Variants in BCAR1 observed in about 807,000 individuals in gnomAD.
BCAR1 encodes breast cancer anti-estrogen resistance protein 1.
A neutral mutation model predicts 67.6 loss-of-function variants in BCAR1; 30 were observed. That is an observed-to-expected ratio of 0.44 (90% CI 0.33 to 0.60). BCAR1 has a LOEUF of 0.60. Ranked by LOEUF, BCAR1 falls within the 20% of genes least tolerant of loss-of-function variation. The pLI is 0.02. For synonymous variants in BCAR1, 626 were observed against 556.7 expected (o/e 1.12, Z -1.75); for missense variants, 1,313 against 1,222.3 (o/e 1.07, Z -1.11).
chr16:75,243,598 GTAAT>G, intron 1 of BCAR1: 5 of 437,230 alleles, frequency 1.1e-5, no homozygotes, highest in South Asian at 8.1e-5. Context: ...CAAAAAGTCA[GTAAT>G]TAATTTAGAA....
chr16:75,251,324 G>A, intron 1 of BCAR1, 147 bp downstream of exon 1: 1 of 1,166,534 alleles, frequency 8.6e-7, no homozygotes, highest in Non-Finnish European at 1.1e-6. Context: ...TTCCCGGCCA[G>A]GGCAGAAGGA....
chr16:75,230,019 T>C lies in BCAR1; in HGVS notation c.2105A>G (p.Lys702Arg), dbSNP rs764493965. Reference protein sequence around the residue: ...GKSQLELQQLKQFERLEQEVS... With the variant: ...GKSQLELQQLRQFERLEQEVS... Reference sequence around the variant, plus strand: ...CTCCTGTTCCAGTCGTTCAAACTGCTTCAGCTGGGGCAGGAGGGAAGCAGG... The same window carrying C: ...CTCCTGTTCCAGTCGTTCAAACTGCCTCAGCTGGGGCAGGAGGGAAGCAGG... The change falls in exon 7 of 7, where the codon AAG (lysine) becomes AGG (arginine). Residue 702 changes from lysine to arginine, a missense_variant. Lys to Arg is a conservative substitution (Grantham distance 26, BLOSUM62 2). Coordinates refer to ENST00000162330, the MANE Select transcript of BCAR1 (RefSeq NM_014567.5). 6 of 1,531,544 alleles carry C rather than the reference T, an allele frequency of 3.9e-6. No individual in the cohort carries two copies. In the African/African-American group the frequency reaches 6.9e-5, roughly 18 times the overall value. 94.9% of individuals were successfully genotyped at this position (1,531,544 alleles called of 1,614,324 possible). A position where few individuals can be genotyped will look rare whatever the true frequency, so the allele number is the denominator to read the frequency against.
Position 75,236,002 on chromosome 16 carries a change from T to C in BCAR1, c.913-16A>G. ...CGTCGTAGACCTGGGGGACAAGCGG[T>C]GGTCAAGACTGTCCATCTGTCCATC... On this transcript the variant is annotated splice_polypyrimidine_tract_variant and intron_variant, in intron 4 of 6. Coordinates refer to ENST00000162330, the MANE Select transcript of BCAR1 (RefSeq NM_014567.5). 8 of 1,555,994 alleles carry C rather than the reference T, an allele frequency of 5.1e-6. No individual in the cohort carries two copies. The highest frequency in any genetic ancestry group is 5.2e-6 in the Non-Finnish European group (6 of 1,150,240).
At chr16:75,255,375 G>C (rs1175374811), upstream of BCAR1, among the ~76,000 whole-genome samples, 1 of 152,156 alleles carries the variant, frequency 6.6e-6, no homozygotes, top group African/African-American at 2.4e-5. Flanking sequence ...GGTATCTCTG[G>C]AGGGCCAATG....
rs150215785 is a variant in BCAR1 at position 75,229,797 on chromosome 16, T to C, written c.2327A>G (p.Lys776Arg). The stretch of plus-strand genomic sequence containing the variant: ...GAACTTGCTGTGCGCCACAAAGATC[T>C]TGGGCGGCTGGTTGGTGGCCACGGC... ...FTAVATNQPP[K>R]IFVAHSKFVI... The change falls in exon 7 of 7, where the codon AAG becomes AGG. Residue 776 changes from lysine to arginine, a missense_variant. Lys to Arg is a conservative substitution (Grantham distance 26). Transcript: ENST00000162330. 51 of 1,613,524 alleles carry C rather than the reference T, an allele frequency of 3.2e-5. 2 individuals are homozygous for C. In the African/African-American group the frequency reaches 6.0e-4, roughly 19 times the overall value.
intron 2 of BCAR1, among the ~76,000 whole-genome samples, chr16:75,239,493 G>A (rs2077262638): frequency 6.6e-6 from 1 of 152,202 alleles, no homozygotes; most frequent in Non-Finnish European, 1.5e-5. Context: ...CCCGGTAAGG[G>A]CCCCAGAGGC....
intron 2 of BCAR1, among the ~76,000 whole-genome samples, chr16:75,239,339 A>G (rs771179019): frequency 6.6e-5 from 10 of 152,136 alleles, no homozygotes; most frequent in Admixed American, 1.3e-4. Flanking sequence ...GCCTCATACA[A>G]TGCAGAGAAA....
At chr16:75,254,027 C>G (rs2151467175), upstream of BCAR1, among the ~76,000 whole-genome samples, 1 of 151,768 alleles carries the variant, frequency 6.6e-6, no homozygotes, top group Middle Eastern at 3.4e-3. Context: ...TCTCGAACTC[C>G]TGACCTCAAG....
At chr16:75,244,432 C>G (rs2077454635) in intron 1 of BCAR1, among the ~76,000 whole-genome samples, 3 of 152,240 alleles carry the variant, frequency 2.0e-5, no homozygotes, top group Non-Finnish European at 2.9e-5. Flanking sequence ...TTTCAAGTCC[C>G]TAGGGCCCAC....
At chr16:75,248,109 T>C (rs749574351) in intron 1 of BCAR1, 1 of 1,598,060 alleles carries the variant, frequency 6.3e-7, no homozygotes, top group Non-Finnish European at 8.5e-7. Flanking sequence ...CAGCCCAGGG[T>C]CACTGAGTCC....
rs919436260 is a variant in BCAR1 at position 75,235,394 on chromosome 16, T to C, written c.1505A>G (p.Gln502Arg). 1.6e-5 allele frequency: 26 copies of C among 1,606,956 alleles called. No individual in the cohort carries two copies. Among genetic ancestry groups the C allele is most frequent in the Middle Eastern group, 1.6e-4 (1 of 6,076 alleles). The change falls in exon 5 of 7, where the codon CAG becomes CGG. Residue 502 changes from glutamine to arginine, a missense_variant. By Grantham distance (43) the Gln-to-Arg change is conservative. Coordinates refer to ENST00000162330, the MANE Select transcript of BCAR1 (RefSeq NM_014567.5). The part of the protein sequence containing the change: ...SPSEPQEPLV[Q>R]DLQAAVAAVQ... ...AGCGGCCACAGCAGCCTGCAGGTCC[T>C]GCACCAGCGGCTCCTGTGGCTCAGA...
intron 1 of BCAR1, chr16:75,265,994 G>C (rs1489900028): frequency 9.6e-7 from 1 of 1,043,114 alleles, no homozygotes; most frequent in East Asian, 8.3e-5. Context: ...GGCCGCTCCA[G>C]CCGCGCCGCG....
intron 6 of BCAR1, among the ~76,000 whole-genome samples, chr16:75,231,959 G>A (rs1287524119): frequency 6.6e-5 from 10 of 152,144 alleles, no homozygotes; most frequent in African/African-American, 1.2e-4. Flanking sequence ...TCGGCTCACC[G>A]CAACCTCCGC....
intron 2 of BCAR1, among the ~76,000 whole-genome samples, chr16:75,241,418 C>T (rs1261172494): frequency 6.6e-6 from 1 of 152,090 alleles, no homozygotes; most frequent in Non-Finnish European, 1.5e-5. Context: ...GGACTGTGGC[C>T]TGAGGCTCCC....
chr16:75,261,642 G>C (rs1377579189), intron 1 of BCAR1, among the ~76,000 whole-genome samples: 2 of 152,240 alleles, frequency 1.3e-5, no homozygotes, highest in Non-Finnish European at 2.9e-5. Context: ...TCTCTGGTTG[G>C]AGTGAAGACA....
chr16:75,250,517 G>A lies in BCAR1; in HGVS notation c.12+954C>T, dbSNP rs557750964. Among the ~76,000 whole-genome samples the A allele has an allele frequency of 1.5e-4, 23 of 152,296 alleles. 1 individual carries two copies. Among genetic ancestry groups the A allele is most frequent in the Admixed American group, 1.2e-3 (19 of 15,308 alleles). ...CGGGCCCCGGGAGGGGTGTGGGAAA[G>A]GAAACCAGGGACTCTCAGGAGGGAA... On this transcript the variant is annotated intron_variant, in intron 1 of 6. Transcript: ENST00000162330.
upstream of BCAR1, among the ~76,000 whole-genome samples, chr16:75,253,107 GAC>G (rs1567619898): frequency 6.6e-6 from 1 of 152,154 alleles, no homozygotes; most frequent in Non-Finnish European, 1.5e-5. Context: ...GTGCCTCCCC[GAC>G]ACAGCCCGCC....
chr16:75,260,332 C>T (rs1362854097), intron 1 of BCAR1, among the ~76,000 whole-genome samples: 1 of 152,054 alleles, frequency 6.6e-6, no homozygotes, highest in Non-Finnish European at 1.5e-5. Context: ...ACATGAAGGT[C>T]TGTATTAATC....
chr16:75,236,929 C>G lies in BCAR1; in HGVS notation c.865G>C (p.Val289Leu), dbSNP rs370653589. 3 of 1,612,808 alleles carry G rather than the reference C, an allele frequency of 1.9e-6. No individual in the cohort carries two copies. Among genetic ancestry groups the G allele is most frequent in the Non-Finnish European group, 1.7e-6 (2 of 1,179,584 alleles). ...AGGCCCTTCTCCACACTGGGGGGCA[C>G]GTCATACACCTCCAGCAACGGGTCT... ...GRDPLLEVYD[V>L]PPSVEKGLPP... Residue 289 changes from valine to leucine, a missense_variant, in exon 4 of 7, where the codon GTG (valine) becomes CTG (leucine). By Grantham distance (32) the Val-to-Leu change is conservative. Around this residue, in one of 2 missense-constraint regions of BCAR1, gnomAD observed 1,272 missense variants for 1,137.5 expected, o/e 1.12. Coordinates refer to ENST00000162330, the MANE Select transcript of BCAR1 (RefSeq NM_014567.5).
Sources: allele counts gnomAD v4.1 joint callset (sites outside exome capture counted in the v4.1 genomes callset), GRCh38; gene constraint gnomAD v4.1.1; regional missense constraint gnomAD v4.1.1; transcripts MANE v1.5; gene names NCBI Gene and HGNC (gene_info 2026-07-23, HGNC 2026-07-21).